Variants in DGKI observed in about 807,000 individuals in gnomAD.
DGKI encodes diacylglycerol kinase iota.
A neutral mutation model predicts 147.5 loss-of-function variants in DGKI; 55 were observed. The observed-to-expected ratio is 0.37, with a 90% CI of 0.30 to 0.47. DGKI has a LOEUF of 0.47. Among genes scored for constraint, DGKI ranks in the 20% least tolerant of loss-of-function variants. The pLI is 1.00. For missense variants in DGKI, 1,007 were observed against 1,323.8 expected (o/e 0.76, Z 3.71); for synonymous variants, 469 against 477.1 (o/e 0.98, Z 0.22).
intron 3 of DGKI, among the ~76,000 whole-genome samples, chr7:137,659,077 G>T (rs542883414): frequency 6.6e-6 from 1 of 152,270 alleles, no homozygotes; most frequent in African/African-American, 2.4e-5. Flanking sequence ...ATGATGCACT[G>T]TACAAAGAAC....
chr7:137,511,393 G>A (rs1004500689), intron 21 of DGKI, among the ~76,000 whole-genome samples: 2 of 152,160 alleles, frequency 1.3e-5, no homozygotes. Context: ...TAATTCATCA[G>A]AAAGAACTTT....
intron 20 of DGKI, among the ~76,000 whole-genome samples, chr7:137,534,078 A>G (rs1356355615): frequency 6.6e-6 from 1 of 152,150 alleles, no homozygotes; most frequent in Non-Finnish European, 1.5e-5. Context: ...ATTAAATTGA[A>G]GCCCTCCTAC....
intron 20 of DGKI, among the ~76,000 whole-genome samples, chr7:137,546,434 C>T (rs1817868722): frequency 6.6e-6 from 1 of 152,208 alleles, no homozygotes; most frequent in African/African-American, 2.4e-5. Context: ...TTTATAGGAA[C>T]ACTCACCAAA....
At position 137,846,409 on chromosome 7, in the gene DGKI, G is replaced by C; in HGVS notation, c.401+53C>G. The C allele has an allele frequency of 7.2e-7, 1 of 1,395,352 alleles. No homozygotes were observed. The highest frequency in any genetic ancestry group is 1.8e-5 in the Admixed American group (1 of 55,294). The allele number at this position is 1,395,352 out of a possible 1,614,324, so 86.4% of individuals were successfully genotyped here. On this transcript the variant is annotated intron_variant, in intron 1 of 32. Coordinates refer to ENST00000614521, the MANE Select transcript of DGKI (RefSeq NM_001321708.2). The surrounding 1 kb of genome is among the most constrained non-coding windows in gnomAD (Gnocchi z 4.0). The stretch of plus-strand genomic sequence containing the variant: ...GAAGCGCCCCTTGCTGGGTAGAAGA[G>C]TGGGTCTCCCGCCGCGGCGCACCTG...
intron 20 of DGKI, among the ~76,000 whole-genome samples, chr7:137,534,030 G>GT (rs1305254445): frequency 6.6e-6 from 1 of 152,058 alleles, no homozygotes; most frequent in African/African-American, 2.4e-5. Context: ...GTTTCAGGGT[G>GT]TTATGAGAGA....
intron 12 of DGKI, among the ~76,000 whole-genome samples, chr7:137,589,791 C>G (rs1034116386): frequency 5.9e-5 from 9 of 152,108 alleles, no homozygotes; most frequent in African/African-American, 1.9e-4. Context: ...ATTCACCACC[C>G]CTTCCAAAGA....
At chr7:137,427,245 C>T (rs1193311199) in intron 28 of DGKI, among the ~76,000 whole-genome samples, 4 of 152,292 alleles carry the variant, frequency 2.6e-5, no homozygotes, top group Non-Finnish European at 5.9e-5. Flanking sequence ...GATTAAGAAA[C>T]TCACTCAAAA....
At chr7:137,593,880 T>A (rs766967197) in intron 12 of DGKI, among the ~76,000 whole-genome samples, 17 of 152,218 alleles carry the variant, frequency 1.1e-4, no homozygotes, top group South Asian at 6.2e-4. Context: ...ATTATTATAA[T>A]GCTACAGCTA....
At chr7:137,605,839 C>G (rs906122010) in intron 10 of DGKI, among the ~76,000 whole-genome samples, 26 of 152,036 alleles carry the variant, frequency 1.7e-4, no homozygotes, top group African/African-American at 5.6e-4. Context: ...GATGACCAGA[C>G]GTTGGACAGT....
intron 1 of DGKI, among the ~76,000 whole-genome samples, chr7:137,778,423 GA>G (rs982699139): frequency 2.6e-5 from 4 of 152,162 alleles, no homozygotes; most frequent in African/African-American, 9.7e-5. Context: ...CTTTCAACCA[GA>G]AAATGGTTTG....
chr7:137,644,690 A>G (rs1313734564), intron 6 of DGKI, among the ~76,000 whole-genome samples: 2 of 152,220 alleles, frequency 1.3e-5, no homozygotes, highest in African/African-American at 4.8e-5. Context: ...TTTACTGATG[A>G]CCATCAGCTT....
intron 23 of DGKI, among the ~76,000 whole-genome samples, chr7:137,480,326 C>T (rs988772687): frequency 1.3e-5 from 2 of 152,072 alleles, no homozygotes; most frequent in Non-Finnish European, 1.5e-5. Context: ...AAACCTTGTC[C>T]CACTCTATCT....
intron 20 of DGKI, among the ~76,000 whole-genome samples, chr7:137,535,329 G>A (rs1213578429): frequency 6.6e-6 from 1 of 152,066 alleles, no homozygotes; most frequent in African/African-American, 2.4e-5. Flanking sequence ...TGGCTATTCA[G>A]ACCCTAATTT....
chr7:137,807,343 C>A (rs192360525), intron 1 of DGKI, among the ~76,000 whole-genome samples: 80 of 152,300 alleles, frequency 5.3e-4, no homozygotes, highest in African/African-American at 1.9e-3. Flanking sequence ...AGTAACAGTT[C>A]CAAATGGATT....
chr7:137,638,678 G>A (rs551013372), intron 6 of DGKI, among the ~76,000 whole-genome samples: 2 of 122,984 alleles, frequency 1.6e-5, no homozygotes, highest in Non-Finnish European at 3.3e-5. Context: ...ATATACACAC[G>A]TATGTACACA....
intron 1 of DGKI, chr7:137,774,810 T>G (rs1270974867): frequency 6.6e-6 from 1 of 152,184 alleles, no homozygotes; most frequent in Non-Finnish European, 1.5e-5. Flanking sequence ...CCTGACCCTC[T>G]TGTGTTAAGG....
intron 1 of DGKI, among the ~76,000 whole-genome samples, chr7:137,778,186 G>A (rs375232107): frequency 2.6e-5 from 4 of 152,124 alleles, no homozygotes; most frequent in South Asian, 2.1e-4. Context: ...TTGGTACTTC[G>A]AGCTGACTTT....
At chr7:137,844,954 G>T (rs547506440) in intron 1 of DGKI, among the ~76,000 whole-genome samples, 1 of 152,282 alleles carries the variant, frequency 6.6e-6, no homozygotes, top group East Asian at 1.9e-4. Flanking sequence ...TCCCCCAGGG[G>T]CCAGACGGGC....
At position 137,552,572 on chromosome 7, in the gene DGKI, T is replaced by C. The variant is rs199563196; in HGVS notation, c.1948-4A>G. 2.1e-5 allele frequency: 34 copies of C among 1,613,742 alleles called. No homozygotes were observed. In the Middle Eastern group the frequency reaches 5.0e-4, roughly 24 times the overall value. On this transcript the variant is annotated splice_region_variant and splice_polypyrimidine_tract_variant and intron_variant, in intron 19 of 32. Transcript: ENST00000614521. The stretch of plus-strand genomic sequence containing the variant: ...GGCCCCCAACTTGCAGGGCTGCCTA[T>C]AAAAACAAGAGTCAAAGGGGAGCAA...
Sources: allele counts gnomAD v4.1 joint callset (sites outside exome capture counted in the v4.1 genomes callset), GRCh38; gene constraint gnomAD v4.1.1; non-coding constraint Gnocchi (gnomAD v3.1); transcripts MANE v1.5; gene names NCBI Gene and HGNC (gene_info 2026-07-23, HGNC 2026-07-21).